NOTCH3: variants seen among roughly 807,000 people sequenced by gnomAD.
NOTCH3 encodes notch receptor 3.
In NOTCH3, 86 loss-of-function variants were observed where a neutral mutation model predicts 213.3. The ratio of observed to expected loss-of-function variants is 0.40; its 90% CI spans 0.34 to 0.48. The LOEUF is 0.48. Among genes scored for constraint, NOTCH3 ranks in the 20% least tolerant of loss-of-function variants. NOTCH3 has a pLI of 0.57. For missense variants in NOTCH3, 2,783 were observed against 3,272.6 expected, an observed-to-expected ratio of 0.85 and a Z score of 3.65; for synonymous variants, 1,354 against 1,355.9, an observed-to-expected ratio of 1.00 and a Z score of 0.03.
chr19:15,183,384 TTTTG>T (rs71168596), intron 16 of NOTCH3, among the ~76,000 whole-genome samples: 106 of 150,292 alleles, frequency 7.1e-4, no homozygotes, highest in Admixed American at 3.6e-3. Flanking sequence ...CAGCACCCCT[TTTTG>T]TTTGTTTGTT....
chr19:15,198,083 T>C (rs1450178832), intron 1 of NOTCH3, among the ~76,000 whole-genome samples: 1 of 152,178 alleles, frequency 6.6e-6, no homozygotes, highest in African/African-American at 2.4e-5. Flanking sequence ...CCAAGGCATG[T>C]ACCCACGAGT....
intron 2 of NOTCH3, among the ~76,000 whole-genome samples, chr19:15,194,562 G>A (rs1005656406): frequency 5.3e-5 from 8 of 152,194 alleles, no homozygotes; most frequent in African/African-American, 1.9e-4. Flanking sequence ...TGGGGTCAAG[G>A]AGGTGGAATT....
At position 15,185,066 on chromosome 19, in the gene NOTCH3, C is replaced by T; in HGVS notation, c.2297-47G>A. 7.8e-7 allele frequency: 1 copy of T among 1,282,506 alleles called. No homozygotes were observed. Among genetic ancestry groups the T allele is most frequent in the East Asian group, 2.5e-5 (1 of 39,316 alleles). 79.4% of individuals were successfully genotyped at this position (1,282,506 alleles called of 1,614,324 possible). On this transcript the variant is annotated intron_variant, in intron 14 of 32. Transcript: ENST00000263388. This position sits in a 1 kb window ranked among gnomAD's most constrained non-coding sequence, Gnocchi z 4.2. ...GAAGCAGAGATAGCCTTGAGGGACT[C>T]CCTGATCCCATCTCCCCCCACCTCC...
intron 2 of NOTCH3, among the ~76,000 whole-genome samples, chr19:15,193,016 G>T (rs2046942409): frequency 6.6e-6 from 1 of 152,128 alleles, no homozygotes; most frequent in Admixed American, 6.6e-5. Context: ...CAAACACAAT[G>T]AAAGGGGTCC....
intron 24 of NOTCH3, 24 bp from the exon 25 acceptor site, chr19:15,174,424 GA>G: frequency 6.7e-7 from 1 of 1,491,634 alleles, no homozygotes; most frequent in Non-Finnish European, 9.0e-7. Flanking sequence ...GTGAGGCAGA[GA>G]GGGGCGGAGT....
intron 1 of NOTCH3, among the ~76,000 whole-genome samples, chr19:15,198,902 T>C (rs1001384785): frequency 1.3e-5 from 2 of 150,218 alleles, no homozygotes; most frequent in Non-Finnish European, 3.0e-5. Flanking sequence ...AGAGTGAGAC[T>C]GTCTCAAAAA....
At chr19:15,162,188 G>A in intron 32 of NOTCH3, 1 of 470,626 alleles carries the variant, frequency 2.1e-6, no homozygotes, top group Non-Finnish European at 3.9e-6. Context: ...TACTACGTTG[G>A]CCAGGCTGGT....
chr19:15,174,041 A>T, intron 25 of NOTCH3, 27 bp downstream of exon 25: 1 of 1,530,546 alleles, frequency 6.5e-7, no homozygotes, highest in South Asian at 1.2e-5. Flanking sequence ...CCCAGCCACC[A>T]CGGCTTTTCC....
At position 15,186,840 on chromosome 19, in the gene NOTCH3, G is replaced by A. The variant is rs78329155; in HGVS notation, c.1951+38C>T. Reference sequence around the variant, plus strand: ...CACAGAGACGAGTGACTTCACCCTCGATCTAAGGACCCCCTCTCATGGCAG... The same window carrying A: ...CACAGAGACGAGTGACTTCACCCTCAATCTAAGGACCCCCTCTCATGGCAG... On this transcript the variant is annotated intron_variant, in intron 12 of 32. Transcript: ENST00000263388. The A allele has an allele frequency of 2.8e-4, 423 of 1,529,312 alleles. 2 individuals carry two copies. The African/African-American group carries it at 5.1e-3, about 19-fold the overall frequency. The allele number at this position is 1,529,312 out of a possible 1,614,324, so 94.7% of individuals were successfully genotyped here.
intron 31 of NOTCH3, among the ~76,000 whole-genome samples, chr19:15,163,959 G>C (rs10426042): frequency 0.18 from 27,126 of 152,170 alleles, 2,945 homozygotes; most frequent in African/African-American, 0.3. Context: ...AAAAGACCAC[G>C]TATCATATGA....
rs779592020 is a variant in NOTCH3 at position 15,181,001 on chromosome 19, C to G, written c.2954G>C (p.Arg985Pro). The G allele has an allele frequency of 6.3e-7, 1 of 1,597,646 alleles. No homozygotes were observed. The highest frequency in any genetic ancestry group is 8.5e-7 in the Non-Finnish European group (1 of 1,173,164). The change falls in exon 18 of 33, where the codon CGC becomes CCC. Residue 985 changes from arginine to proline, a missense_variant. By Grantham distance (103) the Arg-to-Pro change is moderately radical. This residue lies in a region of NOTCH3 where 861 missense variants were observed against 909.1 expected (regional missense o/e 0.95). Coordinates refer to ENST00000263388, the MANE Select transcript of NOTCH3 (RefSeq NM_000435.3). ...GVCSAAHPGF[R>P]CTCLESFTGP... is the part of the protein sequence containing the mutation. The stretch of plus-strand genomic sequence containing the variant: ...CGTGAAGCTCTCGAGGCAGGTGCAG[C>G]GGAAGCCAGGGTGGGCGGCGCTGCA...
At position 15,160,740 on chromosome 19, in the gene NOTCH3, A is replaced by T. The variant is rs948363817; in HGVS notation, c.6888T>A (p.Val2296=). 6.2e-7 allele frequency: 1 copy of T among 1,614,134 alleles called. No individual in the cohort carries two copies. The highest frequency in any genetic ancestry group is 8.5e-7 in the Non-Finnish European group (1 of 1,180,010). The change falls in exon 33 of 33, where the codon GTT becomes GTA. Residue 2296 remains valine (V), a synonymous_variant. Coordinates refer to ENST00000263388, the MANE Select transcript of NOTCH3 (RefSeq NM_000435.3). ...TCTGGGCCTGAGCAAGGGAGCTGGG[A>T]ACAGACAAGGGAAGTGGCTGGGCAG... ...ALPAQPLPLS[V]PSSLAQAQTQ...
intron 20 of NOTCH3, among the ~76,000 whole-genome samples, chr19:15,179,837 C>A (rs146925492): frequency 6.6e-6 from 1 of 151,866 alleles, no homozygotes. Flanking sequence ...GAGCTGAGAT[C>A]GCGCCACTGC....
intron 27 of NOTCH3, 60 bp downstream of exon 27, chr19:15,170,271 C>T: frequency 1.3e-6 from 2 of 1,550,494 alleles, no homozygotes; most frequent in Non-Finnish European, 8.9e-7. Flanking sequence ...CAGGTCAAGG[C>T]GGGGTCCAGG....
chr19:15,179,611 G>T, intron 20 of NOTCH3, 115 bp from the exon 21 acceptor site: 1 of 1,144,480 alleles, frequency 8.7e-7, no homozygotes, highest in Non-Finnish European at 1.3e-6. Flanking sequence ...GATGTTCAGC[G>T]CACTACCAGT....
chr19:15,189,347 C>A lies in NOTCH3; in HGVS notation c.1118G>T (p.Gly373Val). The change falls in exon 7 of 33, where the codon GGC becomes GTC. Residue 373 changes from glycine to valine, a missense_variant. Coordinates refer to ENST00000263388, the MANE Select transcript of NOTCH3 (RefSeq NM_000435.3). ...GGGAGGACAGGTGCAAATGGCCCGG[C>A]CGTTCACCGGATTTGTGTCACAGAT... ...DAICDTNPVN[G>V]RAICTCPPGF... 6.2e-7 allele frequency: 1 copy of A among 1,614,000 alleles called. No homozygotes were observed. Among genetic ancestry groups the A allele is most frequent in the Non-Finnish European group, 8.5e-7 (1 of 1,180,034 alleles).
chr19:15,179,335 C>G, intron 21 of NOTCH3, 29 bp downstream of exon 21: 2 of 1,611,180 alleles, frequency 1.2e-6, no homozygotes, highest in Non-Finnish European at 1.7e-6. Flanking sequence ...GCCTCTCATC[C>G]TGTCCCCCCA....
rs545858293 is a variant in NOTCH3 at position 15,180,976 on chromosome 19, C to G, written c.2979G>C (p.Thr993=). The change falls in exon 18 of 33, where the codon ACG becomes ACC. Residue 993 remains threonine, a synonymous_variant. Coordinates refer to ENST00000263388, the MANE Select transcript of NOTCH3 (RefSeq NM_000435.3). ...GFRCTCLESF[T]GPQCQTLVDW... is the part of the protein sequence containing the mutation. The stretch of plus-strand genomic sequence containing the variant: ...CTCCACCCACCTGGCACTGCGGGCC[C>G]GTGAAGCTCTCGAGGCAGGTGCAGC... 11 of 1,594,392 alleles carry G rather than the reference C, an allele frequency of 6.9e-6. No individual in the cohort carries two copies. Among genetic ancestry groups the G allele is most frequent in the African/African-American group, 1.3e-5 (1 of 74,494 alleles).
chr19:15,180,034 C>T (rs530479187), intron 20 of NOTCH3, 38 bp downstream of exon 20: 6 of 1,448,606 alleles, frequency 4.1e-6, no homozygotes, highest in Middle Eastern at 2.4e-4. Flanking sequence ...CCAAGCATGC[C>T]CACCTCCTCT....
Sources: gnomAD v4.1 joint callset for allele counts (sites outside exome capture counted in the v4.1 genomes callset) on GRCh38, gnomAD v4.1.1 for gene constraint, gnomAD v4.1.1 regional missense constraint, Gnocchi (gnomAD v3.1) non-coding constraint, MANE v1.5 for transcripts, NCBI Gene and HGNC (gene_info 2026-07-23, HGNC 2026-07-21) for gene names.